The following SMTN variants were observed in gnomAD, a reference collection of about 807,000 sequenced individuals.
SMTN encodes the protein smoothelin.
Under a neutral mutation model 102.0 loss-of-function variants are expected in SMTN, and 58 were observed. That is an observed-to-expected ratio of 0.57 (90% CI 0.46 to 0.71). The LOEUF is 0.71. SMTN is among the 30% of genes least tolerant of loss of function. SMTN has a pLI of 0.00. For missense variants in SMTN, 1,185 were observed against 1,241.7 expected (o/e 0.95, Z 0.69); for synonymous variants, 478 against 497.9 (o/e 0.96, Z 0.53).
intron 1 of SMTN, among the ~76,000 whole-genome samples, chr22:31,075,815 TTTTTG>T (rs543219977): frequency 1.3e-4 from 19 of 151,770 alleles, no homozygotes; most frequent in East Asian, 1.9e-4. Flanking sequence ...TTTTAAAGGG[TTTTTG>T]TTTTGTTTTG....
At chr22:31,100,851 C>CAA in intron 19 of SMTN, 34 bp from the exon 20 acceptor site, 1 of 614,524 alleles carries the variant, frequency 1.6e-6, no homozygotes, top group Non-Finnish European at 3.0e-6. Flanking sequence ...CTGCCCCCGT[C>CAA]CCCCACCCCT....
chr22:31,071,156 C>T (rs11705313), intron 1 of SMTN, among the ~76,000 whole-genome samples: 34,836 of 150,636 alleles, frequency 0.23, 5,296 homozygotes, highest in African/African-American at 0.43. Flanking sequence ...AGGAGGATTG[C>T]TTGCGCCCAG....
In SMTN at chr22:31,104,503, C is replaced by T. The variant is rs1399582759; in HGVS notation, c.*208C>T. 5 of 1,604,112 alleles carry T rather than the reference C, an allele frequency of 3.1e-6. No homozygotes were observed. The highest frequency in any genetic ancestry group is 1.1e-5 in the South Asian group (1 of 90,922). On this transcript the variant is annotated 3_prime_UTR_variant, in exon 21 of 21. Coordinates refer to ENST00000333137, the MANE Select transcript of SMTN (RefSeq NM_134269.3). ...GCATGGCCAGCCAGTGGCAAGCTGC[C>T]GCCCCCACTCTCCGGGCACCGTCTC... is the stretch of plus-strand genomic sequence containing the variant.
At chr22:31,087,825 G>A in intron 2 of SMTN, 140 bp from the exon 3 acceptor site, 1 of 888,856 alleles carries the variant, frequency 1.1e-6, no homozygotes, top group Non-Finnish European at 1.6e-6. Context: ...ACCCTGCGTG[G>A]GCAGGCAGGC....
At chr22:31,099,712 C>A (rs752763702) in intron 18 of SMTN, 33 bp from the exon 19 acceptor site, 2 of 1,605,948 alleles carry the variant, frequency 1.2e-6, no homozygotes, top group Admixed American at 1.7e-5. Context: ...GAGTTGCCCC[C>A]AGGTTCCTGA....
intron 11 of SMTN, among the ~76,000 whole-genome samples, chr22:31,094,664 G>GT (rs58498250): frequency 2.5e-3 from 348 of 141,748 alleles, no homozygotes; most frequent in Middle Eastern, 7.2e-3. Context: ...TTCCCCTTCT[G>GT]TTTTTTTTTT....
At position 31,090,000 on chromosome 22, in the gene SMTN, A is replaced by C; in HGVS notation, c.773A>C (p.Glu258Ala). The change falls in exon 7 of 21, where the codon GAG becomes GCG. Residue 258 changes from glutamate (E) to alanine (A), a missense_variant. Coordinates refer to ENST00000333137, the MANE Select transcript of SMTN (RefSeq NM_134269.3). ...PQESPTLPSTEGQVVNKLLSG... is the reference protein window; with the variant it reads ...PQESPTLPSTAGQVVNKLLSG... ...GAGTCTCCAACGCTCCCCAGCACTG[A>C]GGGCCAGGTGGTCAACAAGGTGAGT... 3 of 1,605,546 alleles carry C rather than the reference A, an allele frequency of 1.9e-6. No individual in the cohort carries two copies. The highest frequency in any genetic ancestry group is 2.6e-6 in the Non-Finnish European group (3 of 1,175,408).
intron 17 of SMTN, 90 bp from the exon 18 acceptor site, chr22:31,098,972 A>T: frequency 5.2e-6 from 8 of 1,538,336 alleles, no homozygotes; most frequent in Non-Finnish European, 6.2e-6. Flanking sequence ...CCCGAAGGTC[A>T]TGGAAGGCGG....
chr22:31,089,371 G>A (rs547566547), intron 6 of SMTN, among the ~76,000 whole-genome samples: 1 of 152,220 alleles, frequency 6.6e-6, no homozygotes, highest in Non-Finnish European at 1.5e-5. Context: ...GAACCAGGCT[G>A]AGGCCAGGAG....
upstream of SMTN, among the ~76,000 whole-genome samples, chr22:31,076,963 G>T (rs144194228): frequency 5.8e-4 from 89 of 152,272 alleles, no homozygotes; most frequent in East Asian, 0.016. Flanking sequence ...GACCCTTCTT[G>T]TTACAGTTTT....
intron 2 of SMTN, chr22:31,085,100 T>C (rs1350266356): frequency 6.5e-7 from 1 of 1,535,050 alleles, no homozygotes; most frequent in East Asian, 2.4e-5. Context: ...GCCTGGGGAC[T>C]TGCACGCCGC....
At chr22:31,074,994 C>G in intron 1 of SMTN, among the ~76,000 whole-genome samples, 1 of 152,146 alleles carries the variant, frequency 6.6e-6, no homozygotes, top group Admixed American at 6.5e-5. Flanking sequence ...AACCAAACCC[C>G]CAATTTACAG....
rs1233385519 is a variant in SMTN, at chr22:31,090,846, G to C, written c.904G>C (p.Val302Leu). 6 of 1,613,880 alleles carry C rather than the reference G, an allele frequency of 3.7e-6. No homozygotes were observed. Among genetic ancestry groups the C allele is most frequent in the Non-Finnish European group, 5.1e-6 (6 of 1,179,924 alleles). The change falls in exon 9 of 21, where the codon GTG becomes CTG. Residue 302 changes from valine (V) to leucine (L), a missense_variant. This residue lies in a region of SMTN where 1,096 missense variants were observed against 1,112.7 expected (regional missense o/e 0.98). Coordinates refer to ENST00000333137, the MANE Select transcript of SMTN (RefSeq NM_134269.3). ...CCGACCCTGCCAACGCTCCCTGTCG[G>C]TGCTCAGCCCCCGCCAACCAGCCCA... is the stretch of plus-strand genomic sequence containing the variant. ...GPRPCQRSLS[V>L]LSPRQPAQNR...
Position 31,100,868 on chromosome 22 carries a change from C to A in SMTN, c.2604-17C>A. ...GCCCCCGTCCCCCACCCCTTCCCGGCCCCCTACCCTCCCCAGGACCCATGC... is the reference window on the plus strand; with the variant it reads ...GCCCCCGTCCCCCACCCCTTCCCGGACCCCTACCCTCCCCAGGACCCATGC... On this transcript the variant is annotated splice_polypyrimidine_tract_variant and intron_variant, in intron 19 of 20. Transcript: ENST00000333137. 1.4e-6 allele frequency: 2 copies of A among 1,471,916 alleles called. No individual in the cohort carries two copies. The highest frequency in any genetic ancestry group is 9.3e-7 in the Non-Finnish European group (1 of 1,077,854). 91.2% of individuals were successfully genotyped at this position (1,471,916 alleles called of 1,614,324 possible).
chr22:31,097,040 GTT>G lies in SMTN; in HGVS notation c.2071_2072del (p.Phe691ArgfsTer78). 1 of 1,614,162 alleles carries G rather than the reference GTT, an allele frequency of 6.2e-7. No individual in the cohort carries two copies. Among genetic ancestry groups the G allele is most frequent in the East Asian group, 2.2e-5 (1 of 44,878 alleles). The stretch of plus-strand genomic sequence containing the variant: ...GCCCGCACCACCACAGTGGAGTCGA[GTT>G]TCGTGAGGCGCTCGGAGAGTAAGGC... On this transcript the variant is annotated frameshift_variant, in exon 15 of 21. Transcript: ENST00000333137. LOFTEE classifies it high-confidence loss of function.
rs2043144342 is a variant in SMTN at position 31,091,686 on chromosome 22, G to A, written c.1471G>A (p.Gly491Arg). 1 of 1,594,444 alleles carries A rather than the reference G, an allele frequency of 6.3e-7. No homozygotes were observed. Among genetic ancestry groups the A allele is most frequent in the Admixed American group, 1.7e-5 (1 of 58,662 alleles). ...TTCTCCCCACTCAGAACTGACACTG[G>A]GGCTGCGGGCGCCCCCGACCCTACT... is the stretch of plus-strand genomic sequence containing the variant. ...TGNQRAELTL[G>R]LRAPPTLLST... Residue 491 changes from glycine to arginine, a missense_variant, in exon 11 of 21, where the codon GGG (glycine) becomes AGG (arginine). Transcript: ENST00000333137.
At position 31,095,477 on chromosome 22, in the gene SMTN, T is replaced by C; in HGVS notation, c.1785+22T>C. On this transcript the variant is annotated intron_variant, in intron 12 of 20. Transcript: ENST00000333137. The surrounding 1 kb of genome is among the most constrained non-coding windows in gnomAD (Gnocchi z 4.1). ...GATGGTATAGCCAGATCCGGTGGGC[T>C]GGGGGTTGGCAGAGGCCAGCAGGCA... 1 of 1,614,158 alleles carries C rather than the reference T, an allele frequency of 6.2e-7. No individual in the cohort carries two copies. The highest frequency in any genetic ancestry group is 8.5e-7 in the Non-Finnish European group (1 of 1,180,000).
In SMTN at chr22:31,096,843, G is replaced by A; in HGVS notation, c.1972G>A (p.Ala658Thr). 2.5e-6 allele frequency: 4 copies of A among 1,576,388 alleles called. No individual in the cohort carries two copies. The highest frequency in any genetic ancestry group is 3.5e-6 in the Non-Finnish European group (4 of 1,158,162). The change falls in exon 14 of 21, where the codon GCT (alanine) becomes ACT (threonine). Residue 658 changes from alanine (A) to threonine (T), a missense_variant. By Grantham distance (58) the Ala-to-Thr change is moderately conservative. This residue lies in a region of SMTN where 1,096 missense variants were observed against 1,112.7 expected (regional missense o/e 0.98). Coordinates refer to ENST00000333137, the MANE Select transcript of SMTN (RefSeq NM_134269.3). ...ETTTRHSQRA[A>T]DGSAVSTVTK... is the part of the protein sequence containing the mutation. Reference sequence around the variant, plus strand: ...CACCACGAGGCACAGCCAGCGGGCAGCTGATGGCTCTGCTGTCAGCACTGT... The same window carrying A: ...CACCACGAGGCACAGCCAGCGGGCAACTGATGGCTCTGCTGTCAGCACTGT...
Position 31,098,750 on chromosome 22 carries a change from A to C in SMTN, c.2243A>C (p.Glu748Ala). Residue 748 changes from glutamate to alanine, a missense_variant, in exon 17 of 21, where the codon GAG (glutamate) becomes GCG (alanine). Physicochemically the swap from Glu to Ala is moderately radical, Grantham distance 107. Coordinates refer to ENST00000333137, the MANE Select transcript of SMTN (RefSeq NM_134269.3). The part of the protein sequence containing the change: ...LEKRQAEKKK[E>A]LMKAQSLPKT... ...AAACGGCAGGCCGAGAAGAAGAAAG[A>C]GCTGATGAAGGCGCAGAGTCTGCCC... The C allele has an allele frequency of 6.2e-7, 1 of 1,613,330 alleles. No homozygotes were observed. Among genetic ancestry groups the C allele is most frequent in the South Asian group, 1.1e-5 (1 of 91,054 alleles).
Sources: allele counts gnomAD v4.1 joint callset (sites outside exome capture counted in the v4.1 genomes callset), GRCh38; gene constraint gnomAD v4.1.1; regional missense constraint gnomAD v4.1.1; non-coding constraint Gnocchi (gnomAD v3.1); transcripts MANE v1.5; gene names NCBI Gene and HGNC (gene_info 2026-07-23, HGNC 2026-07-21).